Variants in CCDC148 observed in about 807,000 individuals in gnomAD.
CCDC148 encodes the protein coiled-coil domain-containing protein 148.
A neutral mutation model predicts 85.7 loss-of-function variants in CCDC148; 89 were observed. The observed-to-expected ratio is 1.04, with a 90% CI of 0.87 to 1.24. The LOEUF is 1.24. Ranked by LOEUF, CCDC148 falls within the 50% of genes most tolerant of loss-of-function variation. The pLI is 0.00. For missense variants in CCDC148, 692 were observed against 671.7 expected (o/e 1.03, Z -0.33); for synonymous variants, 230 against 213.9 (o/e 1.08, Z -0.66).
At chr2:158,298,833 T>C (rs761761401) in intron 9 of CCDC148, among the ~76,000 whole-genome samples, 2 of 152,222 alleles carry the variant, frequency 1.3e-5, no homozygotes, top group African/African-American at 2.4e-5. Flanking sequence ...GTCTTTTAAC[T>C]ACAAATATCT....
chr2:158,236,385 A>G (rs190304519), intron 10 of CCDC148, among the ~76,000 whole-genome samples: 1 of 152,272 alleles, frequency 6.6e-6, no homozygotes, highest in East Asian at 1.9e-4. Flanking sequence ...TTTAGGAGGA[A>G]GGTCTGTTTT....
At chr2:158,233,298 AT>A (rs1687942811) in intron 10 of CCDC148, among the ~76,000 whole-genome samples, 2 of 151,878 alleles carry the variant, frequency 1.3e-5, no homozygotes, top group Admixed American at 1.3e-4. Context: ...TTTTACTATA[AT>A]TTTTCCCATG....
At chr2:158,318,238 T>C (rs1692367852) in intron 7 of CCDC148, among the ~76,000 whole-genome samples, 1 of 152,226 alleles carries the variant, frequency 6.6e-6, no homozygotes, top group South Asian at 2.1e-4. Context: ...CAACAGAATC[T>C]GATCTTCCCT....
At chr2:158,246,135 C>T (rs1373052170) in intron 10 of CCDC148, among the ~76,000 whole-genome samples, 1 of 152,104 alleles carries the variant, frequency 6.6e-6, no homozygotes, top group Non-Finnish European at 1.5e-5. Context: ...TGGAGTTTTG[C>T]ACATGGCACA....
rs1684195047 is a variant in CCDC148 at position 158,366,159 on chromosome 2, AAAGT to A, written c.26-7593_26-7590del. ...AGCTGTGTTACTTGAAGTATTTTTA[AAAGT>A]AAGACCCAGGACTGGGTGCCATAAT... On this transcript the variant is annotated intron_variant, in intron 1 of 13. Transcript: ENST00000283233. 7.5e-6 allele frequency: 8 copies of A among 1,064,110 alleles called. No individual in the cohort carries two copies. The South Asian group carries it at 1.4e-4, about 18-fold the overall frequency. The allele number at this position is 1,064,110 out of a possible 1,614,324, so 65.9% of individuals were successfully genotyped here. A position where few individuals can be genotyped will look rare whatever the true frequency, so the allele number is the denominator to read the frequency against.
chr2:158,451,826 TC>T (rs148729971), intron 1 of CCDC148, among the ~76,000 whole-genome samples: 5 of 152,220 alleles, frequency 3.3e-5, no homozygotes, highest in African/African-American at 1.2e-4. Flanking sequence ...TCTTCATAGT[TC>T]ATCAAGTCAT....
chr2:158,193,595 C>T (rs201601297), intron 11 of CCDC148, among the ~76,000 whole-genome samples: 1 of 151,748 alleles, frequency 6.6e-6, no homozygotes, highest in Admixed American at 6.6e-5. Context: ...GGAAGAGCTA[C>T]AAAGAATAAA....
chr2:158,339,167 C>T (rs1682544140), intron 5 of CCDC148, 82 bp from the exon 6 acceptor site: 17 of 1,084,796 alleles, frequency 1.6e-5, no homozygotes, highest in Non-Finnish European at 2.4e-5. Context: ...TAATTATTCT[C>T]AAAAGCCAAT....
At chr2:158,328,761 C>A (rs1692929574) in intron 7 of CCDC148, among the ~76,000 whole-genome samples, 1 of 152,128 alleles carries the variant, frequency 6.6e-6, no homozygotes, top group Non-Finnish European at 1.5e-5. Context: ...TCTCTGATGG[C>A]CAGTGATGAT....
intron 2 of CCDC148, among the ~76,000 whole-genome samples, chr2:158,346,349 C>T (rs1357103724): frequency 2.6e-5 from 4 of 152,196 alleles, no homozygotes; most frequent in African/African-American, 4.8e-5. Context: ...TCCATTGCCC[C>T]AACTTTTCTC....
Position 158,309,647 on chromosome 2 carries a change from G to A in CCDC148, c.904-8C>T, listed in dbSNP as rs1691877534. ...ATATTTCTCGTGTTCAACCTGAAAA[G>A]ATAACAGAGGGTGAATACTTATCAT... On this transcript the variant is annotated splice_region_variant and splice_polypyrimidine_tract_variant and intron_variant, in intron 8 of 13. Transcript: ENST00000283233. 2 of 1,589,896 alleles carry A rather than the reference G, an allele frequency of 1.3e-6. No homozygotes were observed. Among genetic ancestry groups the A allele is most frequent in the African/African-American group, 2.7e-5 (2 of 74,314 alleles).
intron 10 of CCDC148, among the ~76,000 whole-genome samples, chr2:158,237,248 C>T (rs1188953422): frequency 6.6e-6 from 1 of 152,018 alleles, no homozygotes; most frequent in Non-Finnish European, 1.5e-5. Flanking sequence ...TCACACAGGG[C>T]CCTGTATGTC....
chr2:158,342,021 C>CTTTTATTTTTT (rs71404402), intron 3 of CCDC148, among the ~76,000 whole-genome samples: 1 of 85,624 alleles, frequency 1.2e-5, no homozygotes, highest in African/African-American at 5.3e-5. Context: ...TCATTATTTT[C>CTTTTATTTTTT]TTTTCTTTTT....
chr2:158,272,574 T>A (rs375255668), intron 9 of CCDC148, among the ~76,000 whole-genome samples: 1 of 152,160 alleles, frequency 6.6e-6, no homozygotes, highest in African/African-American at 2.4e-5. Context: ...GACTCAGACC[T>A]TTTGATGAAG....
At chr2:158,417,307 T>C (rs1373899689) in intron 1 of CCDC148, among the ~76,000 whole-genome samples, 1 of 152,202 alleles carries the variant, frequency 6.6e-6, no homozygotes, top group Non-Finnish European at 1.5e-5. Context: ...CAAATAAGCA[T>C]ACTGTGGTGG....
At chr2:158,341,558 G>A (rs1034976157) in intron 3 of CCDC148, among the ~76,000 whole-genome samples, 15 of 151,838 alleles carry the variant, frequency 9.9e-5, no homozygotes, top group African/African-American at 1.5e-4. Context: ...CAGGTGATCC[G>A]CCCACCTTGG....
chr2:158,194,801 G>C (rs149077342), intron 11 of CCDC148, among the ~76,000 whole-genome samples: 1 of 152,198 alleles, frequency 6.6e-6, no homozygotes, highest in Non-Finnish European at 1.5e-5. Flanking sequence ...CTGGTCCACA[G>C]TTCACTTGAT....
intron 11 of CCDC148, among the ~76,000 whole-genome samples, chr2:158,189,098 T>C (rs969779278): frequency 1.3e-5 from 2 of 151,610 alleles, no homozygotes; most frequent in Non-Finnish European, 1.5e-5. Context: ...AAATAACAGA[T>C]GTTGACAAGG....
intron 9 of CCDC148, among the ~76,000 whole-genome samples, chr2:158,279,928 T>A (rs1690182746): frequency 6.6e-6 from 1 of 151,550 alleles, no homozygotes; most frequent in Non-Finnish European, 1.5e-5. Context: ...AGCGGATCTC[T>A]CGGCAGAAAC....
Sources: gnomAD v4.1 joint callset for allele counts (sites outside exome capture counted in the v4.1 genomes callset) on GRCh38, gnomAD v4.1.1 for gene constraint, MANE v1.5 for transcripts, NCBI Gene and HGNC (gene_info 2026-07-23, HGNC 2026-07-21) for gene names.